CDHR2: variants seen among roughly 807,000 people sequenced by gnomAD.
CDHR2 encodes cadherin related family member 2, also known as cadherin-related family member 2.
A neutral mutation model predicts 138.6 loss-of-function variants in CDHR2; 104 were observed. The observed-to-expected ratio is 0.75, with a 90% CI of 0.64 to 0.88. The LOEUF is 0.88. Among genes scored for constraint, CDHR2 ranks in the 40% least tolerant of loss-of-function variants. The pLI is 0.00. For synonymous variants in CDHR2, 755 were observed against 742.8 expected, an observed-to-expected ratio of 1.02 and a Z score of -0.27; for missense variants, 1,624 against 1,727.6, an observed-to-expected ratio of 0.94 and a Z score of 1.06.
chr5:176,549,854 C>T (rs536967327), intron 1 of CDHR2, among the ~76,000 whole-genome samples: 112 of 152,300 alleles, frequency 7.4e-4, no homozygotes, highest in Non-Finnish European at 1.4e-3. Context: ...TCTGGGCCTC[C>T]GTTTCCTCAT....
intron 20 of CDHR2, 75 bp from the exon 21 acceptor site, chr5:176,586,718 T>C (rs1177876382): frequency 7.3e-7 from 1 of 1,375,798 alleles, no homozygotes; most frequent in African/African-American, 1.4e-5. Flanking sequence ...AGCCCTGAGC[T>C]GGGCTCGTGA....
At chr5:176,573,576 G>C (rs1195617679) in intron 6 of CDHR2, among the ~76,000 whole-genome samples, 1 of 152,040 alleles carries the variant, frequency 6.6e-6, no homozygotes, top group Non-Finnish European at 1.5e-5. Context: ...AAACCCAGGG[G>C]GCAGAGGTTA....
intron 5 of CDHR2, 102 bp from the exon 6 acceptor site, chr5:176,571,111 G>A: frequency 5.0e-6 from 3 of 600,944 alleles, no homozygotes; most frequent in Non-Finnish European, 9.2e-6. Context: ...CAAACAGTAG[G>A]TTGATCTGGA....
chr5:176,584,349 G>A, intron 18 of CDHR2, 61 bp from the exon 19 acceptor site: 1 of 1,612,228 alleles, frequency 6.2e-7, no homozygotes, highest in Non-Finnish European at 8.5e-7. Context: ...AGAGGCAAGG[G>A]CAGAGGAGGC....
intron 20 of CDHR2, 73 bp from the exon 21 acceptor site, chr5:176,586,720 G>T: frequency 7.1e-7 from 1 of 1,401,970 alleles, no homozygotes; most frequent in Non-Finnish European, 9.9e-7. Context: ...CCCTGAGCTG[G>T]GCTCGTGACC....
chr5:176,579,915 C>T lies in CDHR2; in HGVS notation c.1818+1307C>T, dbSNP rs183965389. Reference sequence around the variant, plus strand: ...GCGTCAGACAGTCACCCAGCGGTGTCACCTGTGCTATGTTGAGGCCCAGAG... The same window carrying T: ...GCGTCAGACAGTCACCCAGCGGTGTTACCTGTGCTATGTTGAGGCCCAGAG... On this transcript the variant is annotated intron_variant, in intron 16 of 31. Coordinates refer to ENST00000261944, the MANE Select transcript of CDHR2 (RefSeq NM_017675.6). 5.3e-5 allele frequency among the ~76,000 whole-genome samples: 8 copies of T among 152,308 alleles called. No homozygotes were observed. In the East Asian group the frequency reaches 1.2e-3, roughly 22 times the overall value.
At chr5:176,544,558 G>C (rs2113236941), upstream of CDHR2, among the ~76,000 whole-genome samples, 1 of 152,092 alleles carries the variant, frequency 6.6e-6, no homozygotes, top group South Asian at 2.1e-4. Context: ...TCCTGCCTCA[G>C]CCTCTCGAGT....
intron 24 of CDHR2, among the ~76,000 whole-genome samples, 158 bp downstream of exon 24, chr5:176,589,774 T>C (rs1758797465): frequency 6.6e-6 from 1 of 152,172 alleles, no homozygotes; most frequent in Admixed American, 6.5e-5. Flanking sequence ...CACGACGTTC[T>C]TGCATGTCCC....
At position 176,577,433 on chromosome 5, in the gene CDHR2, G is replaced by GC; in HGVS notation, c.1233dup (p.Asp412ArgfsTer60). The stretch of plus-strand genomic sequence containing the variant: ...GGCACCTTCCTGTTGTCGCTGGGGG[G>GC]CCCCGATGCAGAAGCCTTCAGCGTC... On this transcript the variant is annotated frameshift_variant, in exon 13 of 32. Coordinates refer to ENST00000261944, the MANE Select transcript of CDHR2 (RefSeq NM_017675.6). LOFTEE classifies it high-confidence loss of function. 1 of 1,609,746 alleles carries GC rather than the reference G, an allele frequency of 6.2e-7. No homozygotes were observed. Among genetic ancestry groups the GC allele is most frequent in the Non-Finnish European group, 8.5e-7 (1 of 1,178,606 alleles).
At chr5:176,564,556 T>A (rs1758038826) in intron 1 of CDHR2, among the ~76,000 whole-genome samples, 1 of 152,182 alleles carries the variant, frequency 6.6e-6, no homozygotes, top group South Asian at 2.1e-4. Flanking sequence ...AAGTCCCCCT[T>A]TTCTCCTTTT....
At chr5:176,591,539 CGGT>C in intron 30 of CDHR2, 55 bp downstream of exon 30, 1 of 1,314,956 alleles carries the variant, frequency 7.6e-7, no homozygotes, top group Non-Finnish European at 1.1e-6. Flanking sequence ...CAGGTAGTGA[CGGT>C]GGTGGTGGTG....
chr5:176,566,165 G>T (rs1758074036), intron 3 of CDHR2, among the ~76,000 whole-genome samples: 1 of 151,916 alleles, frequency 6.6e-6, no homozygotes, highest in African/African-American at 2.4e-5. Flanking sequence ...GACTCACTTT[G>T]CTTTGTTTTT....
downstream of CDHR2, chr5:176,595,842 T>C: frequency 1.5e-6 from 1 of 645,712 alleles, no homozygotes; most frequent in Non-Finnish European, 2.3e-6. Flanking sequence ...TGTGACAGTT[T>C]GTAGCCAAAA....
At position 176,543,339 on chromosome 5, in the gene CDHR2, T is replaced by TGCGGCCCGCGCGCCGCCTGCC. The variant is rs1260882272; in HGVS notation, c.-16+578_-16+598dup. On this transcript the variant is annotated intron_variant, in intron 1 of 31. Transcript: ENST00000510636. The surrounding 1 kb of genome is among the most constrained non-coding windows in gnomAD (Gnocchi z 4.0). ...CTGCAGCCCAGGCTCGCGGTGCGGCTGCGGCCCGCGCGCCGCCTGCCGCGG... is the reference window on the plus strand; with the variant it reads ...CTGCAGCCCAGGCTCGCGGTGCGGCTGCGGCCCGCGCGCCGCCTGCCGCGGCCCGCGCGCCGCCTGCCGCGG... Among the ~76,000 whole-genome samples the TGCGGCCCGCGCGCCGCCTGCC allele has an allele frequency of 1.4e-5, 2 of 147,748 alleles. No individual in the cohort carries two copies. The highest frequency in any genetic ancestry group is 6.7e-5 in the Admixed American group (1 of 14,904).
intron 21 of CDHR2, among the ~76,000 whole-genome samples, chr5:176,588,654 AGT>A (rs1237528976): frequency 7.1e-6 from 1 of 141,046 alleles, no homozygotes; most frequent in Non-Finnish European, 1.5e-5. Flanking sequence ...TGAGTGGGAC[AGT>A]GTGTGAGAGT....
rs767952766 is a variant in CDHR2, at chr5:176,578,034, G to A, written c.1513G>A (p.Ala505Thr). The change falls in exon 15 of 32, where the codon GCC becomes ACC. Residue 505 changes from alanine (A) to threonine (T), a missense_variant and splice_region_variant. Transcript: ENST00000261944. ...ACCCTGCCATGTCTCTGCCTCACAGGCCACGGACCCAGACACGGGCGCGTG... is the reference window on the plus strand; with the variant it reads ...ACCCTGCCATGTCTCTGCCTCACAGACCACGGACCCAGACACGGGCGCGTG... The part of the protein sequence containing the change: ...TGSVVTDSIH[A>T]TDPDTGAWGQ... 2.5e-6 allele frequency: 4 copies of A among 1,610,728 alleles called. No individual in the cohort carries two copies. Among genetic ancestry groups the A allele is most frequent in the Non-Finnish European group, 3.4e-6 (4 of 1,177,700 alleles).
intron 5 of CDHR2, among the ~76,000 whole-genome samples, chr5:176,569,445 G>A (rs1364862266): frequency 3.3e-5 from 5 of 151,834 alleles, no homozygotes; most frequent in Non-Finnish European, 5.9e-5. Flanking sequence ...CACCACGCCC[G>A]GCTAATTTTT....
intron 2 of CDHR2, 82 bp downstream of exon 2, chr5:176,565,486 A>C: frequency 7.1e-7 from 1 of 1,406,464 alleles, no homozygotes. Context: ...GGGATCCCTC[A>C]TCAGCAAACA....
rs1757501041 is a variant in CDHR2, at chr5:176,543,323, A to G, written c.-16+554A>G. On this transcript the variant is annotated intron_variant, in intron 1 of 31. Transcript: ENST00000510636. This position sits in a 1 kb window ranked among gnomAD's most constrained non-coding sequence, Gnocchi z 4.0. The stretch of plus-strand genomic sequence containing the variant: ...CGGCGCGTCGCTCCCGCTGCAGCCC[A>G]GGCTCGCGGTGCGGCTGCGGCCCGC... 6.8e-6 allele frequency among the ~76,000 whole-genome samples: 1 copy of G among 146,894 alleles called. No homozygotes were observed. Among genetic ancestry groups the G allele is most frequent in the Non-Finnish European group, 1.5e-5 (1 of 66,070 alleles).
Sources: gnomAD v4.1 joint callset for allele counts (sites outside exome capture counted in the v4.1 genomes callset) on GRCh38, gnomAD v4.1.1 for gene constraint, Gnocchi (gnomAD v3.1) non-coding constraint, MANE v1.5 for transcripts, NCBI Gene and HGNC (gene_info 2026-07-23, HGNC 2026-07-21) for gene names.